The following HNRNPC variants were observed in gnomAD, a reference collection of about 807,000 sequenced individuals.
HNRNPC encodes heterogeneous nuclear ribonucleoprotein C.
A neutral mutation model predicts 33.2 loss-of-function variants in HNRNPC; 3 were observed. The ratio of observed to expected loss-of-function variants is 0.09; its 90% CI spans 0.04 to 0.23. The LOEUF (loss-of-function observed/expected upper bound fraction) is 0.23. Among genes scored for constraint, HNRNPC ranks in the 10% least tolerant of loss-of-function variants. The pLI, the probability that HNRNPC is intolerant of heterozygous loss-of-function variation, is 1.00. For synonymous variants in HNRNPC, 121 were observed against 126.7 expected (o/e 0.96, Z 0.30); for missense variants, 143 against 366.7 (o/e 0.39, Z 4.98).
Position 21,221,146 on chromosome 14 carries a change from G to A in HNRNPC, c.366-8029C>T, listed in dbSNP as rs150887592. On this transcript the variant is annotated intron_variant, in intron 5 of 8. Transcript: ENST00000553300. ...TGTGCCTGTGATGAACGTGAATTTG[G>A]AGGTGAAATCATATGCCTGCTGTAA... 1.1e-3 allele frequency among the ~76,000 whole-genome samples: 172 copies of A among 152,284 alleles called. 1 individual carries two copies. The highest frequency in any genetic ancestry group is 3.4e-3 in the Middle Eastern group (1 of 294).
At chr14:21,244,876 G>C (rs111803786) in intron 2 of HNRNPC, among the ~76,000 whole-genome samples, 1 of 151,580 alleles carries the variant, frequency 6.6e-6, no homozygotes, top group Non-Finnish European at 1.5e-5. Flanking sequence ...ATCCCAACAC[G>C]GAGTTTGAGA....
intron 5 of HNRNPC, among the ~76,000 whole-genome samples, chr14:21,223,346 T>TC (rs1158998042): frequency 6.6e-6 from 1 of 152,132 alleles, no homozygotes; most frequent in Non-Finnish European, 1.5e-5. Flanking sequence ...GCAGATTGAT[T>TC]CAGACCCAAA....
intron 2 of HNRNPC, among the ~76,000 whole-genome samples, chr14:21,258,723 A>G (rs1248442078): frequency 6.6e-6 from 1 of 152,228 alleles, no homozygotes; most frequent in Non-Finnish European, 1.5e-5. Context: ...ATATGACCCA[A>G]CAAGGTATCA....
chr14:21,244,202 T>G (rs1446011201), intron 2 of HNRNPC, among the ~76,000 whole-genome samples: 1 of 152,196 alleles, frequency 6.6e-6, no homozygotes, highest in African/African-American at 2.4e-5. Context: ...TTCACCATGT[T>G]GACCATAGCT....
At position 21,257,653 on chromosome 14, in the gene HNRNPC, A is replaced by AT. The variant is rs148911158; in HGVS notation, c.-37+5657dup. On this transcript the variant is annotated intron_variant, in intron 2 of 8. Transcript: ENST00000553300. ...CAGGCTGGAGTACAGTGGCGCAATCATAACTCACACTGACCTCAAACTCCT... is the reference window on the plus strand; with the variant it reads ...CAGGCTGGAGTACAGTGGCGCAATCATTAACTCACACTGACCTCAAACTCCT... 6.0e-3 allele frequency among the ~76,000 whole-genome samples: 912 copies of AT among 152,156 alleles called. 13 individuals are homozygous for AT. The highest frequency in any genetic ancestry group is 0.02 in the African/African-American group (818 of 41,518).
chr14:21,225,187 G>A (rs1269302114), intron 5 of HNRNPC, among the ~76,000 whole-genome samples: 4 of 151,768 alleles, frequency 2.6e-5, no homozygotes, highest in Non-Finnish European at 4.4e-5. Flanking sequence ...TTGGGAGGGC[G>A]AGGTGGGCAG....
In HNRNPC at chr14:21,209,604, T is replaced by C. The variant is rs1444227776; in HGVS notation, c.*1619A>G. On this transcript the variant is annotated 3_prime_UTR_variant, in exon 9 of 9. Coordinates refer to ENST00000553300, the MANE Select transcript of HNRNPC (RefSeq NM_004500.4). ...TCCAAGGGTAGTTCATACTTCAGCCTCTTCATTCTTTTCTGCTTTTGTCAC... is the reference window on the plus strand; with the variant it reads ...TCCAAGGGTAGTTCATACTTCAGCCCCTTCATTCTTTTCTGCTTTTGTCAC... 6 of 152,354 alleles carry C rather than the reference T, an allele frequency of 3.9e-5. No homozygotes were observed. The highest frequency in any genetic ancestry group is 2.1e-4 in the South Asian group (1 of 4,832). The allele number at this position is 152,354 out of a possible 1,614,324, so 9.4% of individuals were successfully genotyped here.
chr14:21,253,461 CAAAAAAAAA>C (rs71112561), intron 2 of HNRNPC, among the ~76,000 whole-genome samples: 35 of 77,252 alleles, frequency 4.5e-4, no homozygotes, highest in African/African-American at 1.6e-3. Context: ...GACTCCATCT[CAAAAAAAAA>C]AAAAAAAAAA....
chr14:21,217,695 A>G (rs1892340241), intron 5 of HNRNPC, among the ~76,000 whole-genome samples: 1 of 152,246 alleles, frequency 6.6e-6, no homozygotes, highest in African/African-American at 2.4e-5. Flanking sequence ...AGAAAGAATT[A>G]CAAATATTAG....
At chr14:21,243,105 A>G (rs12879183) in intron 2 of HNRNPC, among the ~76,000 whole-genome samples, 28,943 of 151,988 alleles carry the variant, frequency 0.19, 3,309 homozygotes, top group African/African-American at 0.29. Context: ...CTCAAAAAGG[A>G]GAGGTGGGGG....
At chr14:21,254,019 T>C (rs1449606343) in intron 2 of HNRNPC, among the ~76,000 whole-genome samples, 3 of 143,414 alleles carry the variant, frequency 2.1e-5, no homozygotes, top group African/African-American at 7.9e-5. Context: ...AGTGAGACCA[T>C]GCCACTGCAC....
chr14:21,249,979 A>C (rs566296194), intron 2 of HNRNPC, among the ~76,000 whole-genome samples: 4 of 152,338 alleles, frequency 2.6e-5, no homozygotes, highest in Admixed American at 1.3e-4. Context: ...AGAATATGCA[A>C]TATGCAAAAA....
intron 1 of HNRNPC, chr14:21,264,003 ATTC>A (rs1365999870): frequency 6.6e-6 from 1 of 152,230 alleles, no homozygotes. Flanking sequence ...TGTCTTCACA[ATTC>A]TTCAACATCA....
At chr14:21,258,461 C>T (rs940522710) in intron 2 of HNRNPC, among the ~76,000 whole-genome samples, 3 of 152,056 alleles carry the variant, frequency 2.0e-5, no homozygotes, top group Non-Finnish European at 2.9e-5. Flanking sequence ...GAAATCTGCA[C>T]CCTTAATCCC....
At chr14:21,253,436 G>A (rs1473840576) in intron 2 of HNRNPC, among the ~76,000 whole-genome samples, 9 of 122,714 alleles carry the variant, frequency 7.3e-5, no homozygotes, top group African/African-American at 2.9e-4. Flanking sequence ...TCACGCCACT[G>A]CACTCCAACC....
rs1248177156 is a variant in HNRNPC, at chr14:21,255,162, ATT to A, written c.-37+8147_-37+8148del. Reference sequence around the variant, plus strand: ...ATTTTAGTTAGAGGACTGGAGGAAAATTTTTGTTCAAAATGTACTCTACTAAA... The same window carrying A: ...ATTTTAGTTAGAGGACTGGAGGAAAATTTGTTCAAAATGTACTCTACTAAA... On this transcript the variant is annotated intron_variant, in intron 2 of 8. Coordinates refer to ENST00000553300, the MANE Select transcript of HNRNPC (RefSeq NM_004500.4). 6.6e-5 allele frequency among the ~76,000 whole-genome samples: 10 copies of A among 152,252 alleles called. No individual in the cohort carries two copies. The East Asian group carries it at 1.7e-3, about 26-fold the overall frequency.
chr14:21,231,130 C>A (rs1398891039), intron 3 of HNRNPC, 58 bp from the exon 4 acceptor site: 6 of 1,510,408 alleles, frequency 4.0e-6, no homozygotes, highest in Non-Finnish European at 5.5e-6. Context: ...AAACAAACTA[C>A]AAAGTTTATT....
chr14:21,236,067 A>C (rs888976217), intron 2 of HNRNPC, among the ~76,000 whole-genome samples: 5 of 152,104 alleles, frequency 3.3e-5, no homozygotes, highest in African/African-American at 4.8e-5. Context: ...AGCTAGTATT[A>C]TTTTCACAAG....
chr14:21,242,077 G>A (rs977711323), intron 2 of HNRNPC, among the ~76,000 whole-genome samples: 2 of 152,072 alleles, frequency 1.3e-5, no homozygotes, highest in African/African-American at 2.4e-5. Context: ...AACTGCACAC[G>A]CAAAGGTCAA....
Sources: gnomAD v4.1 joint callset for allele counts (sites outside exome capture counted in the v4.1 genomes callset) on GRCh38, gnomAD v4.1.1 for gene constraint, MANE v1.5 for transcripts, NCBI Gene and HGNC (gene_info 2026-07-23, HGNC 2026-07-21) for gene names.